Variants in LRRFIP2 observed in about 807,000 individuals in gnomAD.
The protein encoded by LRRFIP2 is LRR binding FLII interacting protein 2, also known as leucine-rich repeat flightless-interacting protein 2.
Under a neutral mutation model 125.9 loss-of-function variants are expected in LRRFIP2, and 109 were observed. The observed-to-expected ratio is 0.87, with a 90% CI of 0.74 to 1.01. The LOEUF (loss-of-function observed/expected upper bound fraction) is 1.01, where lower values mean the gene tolerates loss of function less well. LRRFIP2 is among the 50% of genes least tolerant of loss of function. The pLI is 0.00. For synonymous variants in LRRFIP2, 291 were observed against 293.1 expected, an observed-to-expected ratio of 0.99 and a Z score of 0.07; for missense variants, 850 against 862.3, an observed-to-expected ratio of 0.99 and a Z score of 0.18.
chr3:37,119,583 GATTA>G (rs1475652112), intron 6 of LRRFIP2, among the ~76,000 whole-genome samples: 11 of 152,118 alleles, frequency 7.2e-5, no homozygotes, highest in African/African-American at 2.7e-4. Context: ...ACAAGAAGAG[GATTA>G]TTTTCACAGC....
chr3:37,170,021 T>C (rs1469162442), intron 1 of LRRFIP2, among the ~76,000 whole-genome samples: 2 of 152,180 alleles, frequency 1.3e-5, no homozygotes, highest in African/African-American at 4.8e-5. Flanking sequence ...GGGAATAAAC[T>C]GATAAGGAAG....
At chr3:37,069,820 C>T (rs1229548445) in intron 21 of LRRFIP2, among the ~76,000 whole-genome samples, 1 of 152,028 alleles carries the variant, frequency 6.6e-6, no homozygotes, top group Admixed American at 6.6e-5. Flanking sequence ...GGGATAATTC[C>T]AAAAGGTTAA....
chr3:37,059,033 C>T, intron 24 of LRRFIP2, 123 bp from the exon 25 acceptor site: 1 of 1,269,898 alleles, frequency 7.9e-7, no homozygotes, highest in Non-Finnish European at 1.1e-6. Context: ...CATTCAAAAC[C>T]TATTTTCTTG....
At chr3:37,066,445 CA>C in intron 21 of LRRFIP2, 120 bp from the exon 22 acceptor site, 1 of 774,706 alleles carries the variant, frequency 1.3e-6, no homozygotes, top group Non-Finnish European at 2.3e-6. Flanking sequence ...AGAAAGCAGT[CA>C]AAAGATTGGA....
Position 37,053,947 on chromosome 3 carries a change from C to T in LRRFIP2, c.2070G>A (p.Leu690=). The T allele has an allele frequency of 6.2e-7, 1 of 1,611,572 alleles. No homozygotes were observed. The highest frequency in any genetic ancestry group is 8.5e-7 in the Non-Finnish European group (1 of 1,177,664). The change falls in exon 28 of 28, where the codon CTG becomes CTA. Residue 690 remains leucine (L), a synonymous_variant. Transcript: ENST00000336686. ...RKLQRELRTA[L]DKIEEMEMTN... is the part of the protein sequence containing the mutation. The stretch of plus-strand genomic sequence containing the variant: ...TCATCTCCATCTCCTCAATCTTGTC[C>T]AGTGCTGTTCGTAACTGGAGACAGG...
intron 2 of LRRFIP2, among the ~76,000 whole-genome samples, chr3:37,137,109 T>C (rs925571261): frequency 2.6e-5 from 4 of 151,930 alleles, no homozygotes; most frequent in Non-Finnish European, 5.9e-5. Flanking sequence ...GCTGAGACTA[T>C]AGGCATACAC....
intron 1 of LRRFIP2, among the ~76,000 whole-genome samples, chr3:37,161,850 A>G (rs942197083): frequency 1.3e-5 from 2 of 151,894 alleles, no homozygotes; most frequent in African/African-American, 4.8e-5. Context: ...ATAAGGTTAA[A>G]GTATCAGTCC....
Position 37,112,822 on chromosome 3 carries a change from C to T in LRRFIP2, c.438+93G>A, listed in dbSNP as rs2094599482. The T allele has an allele frequency of 4.7e-6, 3 of 633,382 alleles. No homozygotes were observed. In the South Asian group the frequency reaches 9.1e-5, roughly 19 times the overall value. The allele number at this position is 633,382 out of a possible 1,614,324, so 39.2% of individuals were successfully genotyped here. On this transcript the variant is annotated intron_variant, in intron 8 of 27. Transcript: ENST00000336686. ...CATGTTTCAGCAGATTATCAAGTTT[C>T]AATAATGTCCTAGTAGCACACCAAA...
chr3:37,151,762 G>A (rs937853977), intron 1 of LRRFIP2, among the ~76,000 whole-genome samples: 1 of 151,812 alleles, frequency 6.6e-6, no homozygotes, highest in Non-Finnish European at 1.5e-5. Context: ...CATGCCCAGC[G>A]AATTTATGTA....
intron 13 of LRRFIP2, among the ~76,000 whole-genome samples, chr3:37,107,146 T>C (rs1447624427): frequency 6.6e-6 from 1 of 152,046 alleles, no homozygotes; most frequent in Non-Finnish European, 1.5e-5. Context: ...TCAGGTAATG[T>C]GCCCTCGGCC....
At chr3:37,170,480 A>G (rs1046003623) in intron 1 of LRRFIP2, 1 of 152,256 alleles carries the variant, frequency 6.6e-6, no homozygotes, top group Non-Finnish European at 1.5e-5. Context: ...ATGATACTAT[A>G]TAGTACCACA....
At chr3:37,134,427 C>G (rs2149767850) in intron 2 of LRRFIP2, among the ~76,000 whole-genome samples, 1 of 152,262 alleles carries the variant, frequency 6.6e-6, no homozygotes, top group Admixed American at 6.5e-5. Context: ...GGGGTGGAAC[C>G]CCATTCGGAA....
chr3:37,167,003 G>A (rs1444732758), intron 1 of LRRFIP2, among the ~76,000 whole-genome samples: 1 of 151,058 alleles, frequency 6.6e-6, no homozygotes, highest in African/African-American at 2.4e-5. Flanking sequence ...CAACAAGGGC[G>A]AAACTCTGTC....
intron 1 of LRRFIP2, chr3:37,154,806 T>C (rs568421469): frequency 1.3e-5 from 2 of 152,344 alleles, no homozygotes; most frequent in South Asian, 4.1e-4. Flanking sequence ...AGAATGTGCA[T>C]GTAGCATCAG....
chr3:37,092,348 T>C (rs2093490518), intron 17 of LRRFIP2, among the ~76,000 whole-genome samples: 1 of 152,230 alleles, frequency 6.6e-6, no homozygotes. Flanking sequence ...TAAAGGCTGA[T>C]TATACACATT....
At chr3:37,100,897 G>C (rs1002624316) in intron 15 of LRRFIP2, among the ~76,000 whole-genome samples, 2 of 152,068 alleles carry the variant, frequency 1.3e-5, no homozygotes, top group Admixed American at 1.3e-4. Flanking sequence ...AGATGATACT[G>C]TTGCATAGCC....
intron 1 of LRRFIP2, among the ~76,000 whole-genome samples, chr3:37,160,065 C>T (rs2096295595): frequency 6.6e-6 from 1 of 150,480 alleles, no homozygotes; most frequent in South Asian, 2.1e-4. Context: ...TCCAGGTCCC[C>T]TTTCCATTGC....
chr3:37,080,826 T>C (rs2092578035), intron 19 of LRRFIP2, among the ~76,000 whole-genome samples: 1 of 152,156 alleles, frequency 6.6e-6, no homozygotes, highest in African/African-American at 2.4e-5. Context: ...TATCAACTCA[T>C]TCTAAGGTGT....
intron 19 of LRRFIP2, among the ~76,000 whole-genome samples, chr3:37,081,645 A>T (rs1043120335): frequency 2.6e-5 from 4 of 152,072 alleles, no homozygotes; most frequent in African/African-American, 9.7e-5. Flanking sequence ...GCACTGTGGG[A>T]AGCTGAGGTG....
Sources: allele counts gnomAD v4.1 joint callset (sites outside exome capture counted in the v4.1 genomes callset), GRCh38; gene constraint gnomAD v4.1.1; transcripts MANE v1.5; gene names NCBI Gene and HGNC (gene_info 2026-07-23, HGNC 2026-07-21).